Variants in LSM12 observed in about 807,000 individuals in gnomAD.
The protein encoded by LSM12 is protein LSM12.
For missense variants in LSM12, 108 were observed against 238.9 expected, an observed-to-expected ratio of 0.45 and a Z score of 3.61; for synonymous variants, 74 against 87.3, an observed-to-expected ratio of 0.85 and a Z score of 0.85.
rs775304243 is a variant in LSM12 at position 44,063,950 on chromosome 17, A to G, written c.125-16T>C. The G allele has an allele frequency of 6.2e-7, 1 of 1,609,072 alleles. No individual in the cohort carries two copies. The highest frequency in any genetic ancestry group is 1.1e-5 in the South Asian group (1 of 90,690). Reference sequence around the variant, plus strand: ...GAGGGACATTCTGGTGAGAAAAAAAAAAGTTAAGGAAAAATAGGACAAGCA... The same window carrying G: ...GAGGGACATTCTGGTGAGAAAAAAAGAAGTTAAGGAAAAATAGGACAAGCA... On this transcript the variant is annotated splice_polypyrimidine_tract_variant and intron_variant, in intron 1 of 4. Coordinates refer to ENST00000293406, the MANE Select transcript of LSM12 (RefSeq NM_001371445.1).
Position 44,037,484 on chromosome 17 carries a change from A to G in LSM12, c.423T>C (p.Val141=). 6.2e-7 allele frequency: 1 copy of G among 1,611,304 alleles called. No homozygotes were observed. Among genetic ancestry groups the G allele is most frequent in the Non-Finnish European group, 8.5e-7 (1 of 1,178,902 alleles). ...TTTCCACTTGATATGGGGGTGTAATAACAACTTCTTCCATGACTACGATGT... is the reference window on the plus strand; with the variant it reads ...TTTCCACTTGATATGGGGGTGTAATGACAACTTCTTCCATGACTACGATGT... The part of the protein sequence containing the change: ...EKNIVVMEEV[V]ITPPYQVENC... Residue 141 remains valine, a synonymous_variant, in exon 4 of 5, where the codon GTT becomes GTC. Coordinates refer to ENST00000293406, the MANE Select transcript of LSM12 (RefSeq NM_001371445.1).
In LSM12 at chr17:44,066,641, G is replaced by A. The variant is rs907561122; in HGVS notation, c.-54C>T. ...GCGGCGGCAGCAGCGGGCGAAAGCC[G>A]GGCCCCCAGTGAGCGCCGCGACGCG... On this transcript the variant is annotated 5_prime_UTR_variant, in exon 1 of 5. Coordinates refer to ENST00000293406, the MANE Select transcript of LSM12 (RefSeq NM_001371445.1). 5 of 1,290,466 alleles carry A rather than the reference G, an allele frequency of 3.9e-6. No individual in the cohort carries two copies. In the South Asian group the frequency reaches 8.0e-5, roughly 21 times the overall value. The allele number at this position is 1,290,466 out of a possible 1,614,324, so 79.9% of individuals were successfully genotyped here.
rs1339769412 is a variant in LSM12 at position 44,066,455 on chromosome 17, G to A, written c.124+9C>T. ...GGCCCGGACTCGGGCTTCACGCAGG[G>A]AAGGATACTTAAAGCCAGCATTTTG... On this transcript the variant is annotated intron_variant, in intron 1 of 4. Transcript: ENST00000293406. The A allele has an allele frequency of 2.6e-6, 4 of 1,557,540 alleles. No homozygotes were observed. Among genetic ancestry groups the A allele is most frequent in the South Asian group, 1.2e-5 (1 of 85,130 alleles).
intron 2 of LSM12, among the ~76,000 whole-genome samples, chr17:44,060,151 C>A (rs1336285657): frequency 1.3e-5 from 2 of 151,890 alleles, no homozygotes; most frequent in Non-Finnish European, 2.9e-5. Context: ...GGCGACAGAG[C>A]AAGACTTCGT....
At chr17:44,054,244 A>G (rs2049682123) in intron 2 of LSM12, among the ~76,000 whole-genome samples, 1 of 152,186 alleles carries the variant, frequency 6.6e-6, no homozygotes. Flanking sequence ...CTGTACCCCC[A>G]TCATGATTCT....
chr17:44,066,408 C>A, intron 1 of LSM12, 56 bp downstream of exon 1: 1 of 1,512,046 alleles, frequency 6.6e-7, no homozygotes, highest in Non-Finnish European at 8.9e-7. Context: ...CCCCCACCCC[C>A]CGACCACCGC....
intron 2 of LSM12, among the ~76,000 whole-genome samples, chr17:44,049,047 C>T (rs1245154169): frequency 6.6e-6 from 1 of 151,988 alleles, no homozygotes; most frequent in Non-Finnish European, 1.5e-5. Context: ...AAATTAGCAC[C>T]GGGCATGGTG....
chr17:44,065,349 G>A (rs1020638226), intron 1 of LSM12, among the ~76,000 whole-genome samples: 24 of 151,244 alleles, frequency 1.6e-4, no homozygotes, highest in African/African-American at 5.3e-4. Flanking sequence ...GCTGAGGCAG[G>A]AGAATCGCTC....
intron 1 of LSM12, among the ~76,000 whole-genome samples, chr17:44,065,551 A>G (rs1597900806): frequency 6.6e-6 from 1 of 152,148 alleles, no homozygotes; most frequent in Non-Finnish European, 1.5e-5. Context: ...ATTTATCCCA[A>G]CAAGGAAGTG....
chr17:44,048,550 T>C (rs368293874), intron 2 of LSM12, among the ~76,000 whole-genome samples: 6 of 150,940 alleles, frequency 4.0e-5, no homozygotes, highest in Non-Finnish European at 5.9e-5. Flanking sequence ...CCATTTTCAA[T>C]GCAAACATGC....
intron 2 of LSM12, among the ~76,000 whole-genome samples, chr17:44,046,385 G>C (rs902012490): frequency 6.6e-6 from 1 of 151,966 alleles, no homozygotes; most frequent in African/African-American, 2.4e-5. Flanking sequence ...TAAAGTAATT[G>C]TTTTCCTGCT....
At chr17:44,063,584 T>C (rs1194176761) in intron 2 of LSM12, among the ~76,000 whole-genome samples, 2 of 152,190 alleles carry the variant, frequency 1.3e-5, no homozygotes, top group Admixed American at 6.5e-5. Flanking sequence ...AAGCAAGCTC[T>C]CAACTTATTT....
chr17:44,063,544 G>T (rs1030222363), intron 2 of LSM12, among the ~76,000 whole-genome samples: 1 of 152,076 alleles, frequency 6.6e-6, no homozygotes, highest in African/African-American at 2.4e-5. Context: ...TGAACTCCAA[G>T]ATTTAAAAAG....
chr17:44,037,545 G>A lies in LSM12; in HGVS notation c.369-7C>T, dbSNP rs2049431499. 3 of 1,602,856 alleles carry A rather than the reference G, an allele frequency of 1.9e-6. No individual in the cohort carries two copies. Among genetic ancestry groups the A allele is most frequent in the Non-Finnish European group, 1.7e-6 (2 of 1,175,360 alleles). ...CCATTTACAGTCTTTAATGCTGGAA[G>A]GAGAAGACAGCAGGCGAAATGTAAC... On this transcript the variant is annotated splice_polypyrimidine_tract_variant and splice_region_variant and intron_variant, in intron 3 of 4. Transcript: ENST00000293406.
chr17:44,063,907 T>G lies in LSM12; in HGVS notation c.152A>C (p.Asn51Thr). 1 of 1,613,472 alleles carries G rather than the reference T, an allele frequency of 6.2e-7. No individual in the cohort carries two copies. Among genetic ancestry groups the G allele is most frequent in the Non-Finnish European group, 8.5e-7 (1 of 1,179,814 alleles). The change falls in exon 2 of 5, where the codon AAC (asparagine) becomes ACC (threonine). Residue 51 changes from asparagine to threonine, a missense_variant. Coordinates refer to ENST00000293406, the MANE Select transcript of LSM12 (RefSeq NM_001371445.1). ...GTTTATGAGCAAGATGTCTGCATGGTTGGGCTTTCCACTGGAAGAGGGACA... is the reference window on the plus strand; with the variant it reads ...GTTTATGAGCAAGATGTCTGCATGGGTGGGCTTTCCACTGGAAGAGGGACA... Reference protein sequence around the residue: ...LKCPSSSGKPNHADILLINLQ... With the variant: ...LKCPSSSGKPTHADILLINLQ...
At chr17:44,060,813 A>C (rs745347383) in intron 2 of LSM12, among the ~76,000 whole-genome samples, 10 of 152,174 alleles carry the variant, frequency 6.6e-5, no homozygotes, top group South Asian at 2.1e-4. Flanking sequence ...TAAGAAGAGA[A>C]CTGCTTCTTA....
chr17:44,056,070 C>G (rs1197143411), intron 2 of LSM12, among the ~76,000 whole-genome samples: 1 of 151,014 alleles, frequency 6.6e-6, no homozygotes, highest in African/African-American at 2.4e-5. Flanking sequence ...GAGTTCAAGA[C>G]CAGCCTGACC....
upstream of LSM12, chr17:44,066,771 T>A: frequency 1.4e-6 from 1 of 715,298 alleles, no homozygotes; most frequent in Non-Finnish European, 1.9e-6. Context: ...TAAAGGGGAA[T>A]CTGAAAAGTA....
At chr17:44,041,512 A>G (rs2049494296) in intron 2 of LSM12, among the ~76,000 whole-genome samples, 2 of 152,212 alleles carry the variant, frequency 1.3e-5, no homozygotes, top group Non-Finnish European at 2.9e-5. Context: ...GGACTCAAGT[A>G]AATCTAACCA....
Sources: gnomAD v4.1 joint callset for allele counts (sites outside exome capture counted in the v4.1 genomes callset) on GRCh38, gnomAD v4.1.1 for gene constraint, MANE v1.5 for transcripts, NCBI Gene and HGNC (gene_info 2026-07-23, HGNC 2026-07-21) for gene names.